ENKUR: variants seen among roughly 807,000 people sequenced by gnomAD.
ENKUR encodes enkurin.
ENKUR carries 19 observed loss-of-function variants against 27.6 expected under a neutral mutation model. That is an observed-to-expected ratio of 0.69 (90% CI 0.48 to 1.01). The LOEUF (loss-of-function observed/expected upper bound fraction) is 1.01, where lower values mean the gene tolerates loss of function less well. ENKUR is among the 50% of genes least tolerant of loss of function. The pLI is 0.00. For synonymous variants in ENKUR, 117 were observed against 96.9 expected (o/e 1.21, Z -1.22); for missense variants, 312 against 310.5 (o/e 1.00, Z -0.04).
chr10:25,052,332 C>T (rs927223800), intron 2 of ENKUR, among the ~76,000 whole-genome samples: 4 of 152,128 alleles, frequency 2.6e-5, no homozygotes, highest in Non-Finnish European at 4.4e-5. Flanking sequence ...TGGCCTTATT[C>T]GGGCCTTTCA....
chr10:25,029,740 C>A (rs925340134), intron 2 of ENKUR, among the ~76,000 whole-genome samples: 1 of 152,138 alleles, frequency 6.6e-6, no homozygotes, highest in African/African-American at 2.4e-5. Flanking sequence ...AACAAACAGT[C>A]TCCTTCAAAA....
chr10:24,986,712 G>A (rs975666796), intron 4 of ENKUR, among the ~76,000 whole-genome samples: 1 of 152,160 alleles, frequency 6.6e-6, no homozygotes, highest in African/African-American at 2.4e-5. Flanking sequence ...CTTCCAGTGT[G>A]TACAATAACG....
In ENKUR at chr10:24,984,851, A is replaced by C; in HGVS notation, c.649T>G (p.Phe217Val). 6.2e-7 allele frequency: 1 copy of C among 1,613,730 alleles called. No homozygotes were observed. Among genetic ancestry groups the C allele is most frequent in the Middle Eastern group, 1.7e-4 (1 of 6,060 alleles). ...ATCTTCTTTGGTATAGAATCTATAA[A>C]GACCGAGAGGGACTGGAATTCTTTA... ...VHKEFQSLSV[F>V]IDSIPKKIRK... Residue 217 changes from phenylalanine to valine, a missense_variant, in exon 5 of 6, where the codon TTT (phenylalanine) becomes GTT (valine). Physicochemically the swap from Phe to Val is conservative, Grantham distance 50. Coordinates refer to ENST00000331161, the MANE Select transcript of ENKUR (RefSeq NM_145010.4).
At chr10:25,060,357 A>G (rs1851313003) in intron 2 of ENKUR, among the ~76,000 whole-genome samples, 2 of 152,316 alleles carry the variant, frequency 1.3e-5, no homozygotes, top group Admixed American at 1.3e-4. Flanking sequence ...AAAGAATACC[A>G]TGACCAGAAA....
chr10:25,013,937 C>A (rs149797390), intron 1 of ENKUR, among the ~76,000 whole-genome samples: 2 of 147,950 alleles, frequency 1.4e-5, no homozygotes, highest in African/African-American at 5.0e-5. Flanking sequence ...AGTGAAACTC[C>A]GTCTTGAAAA....
intron 1 of ENKUR, among the ~76,000 whole-genome samples, chr10:25,001,382 C>A (rs2132699615): frequency 6.7e-6 from 1 of 150,288 alleles, no homozygotes; most frequent in South Asian, 2.1e-4. Flanking sequence ...CTTTTTTCTA[C>A]TTGGGGTTAA....
intron 2 of ENKUR, among the ~76,000 whole-genome samples, chr10:24,996,765 C>G (rs915992101): frequency 3.3e-5 from 5 of 152,148 alleles, no homozygotes; most frequent in Admixed American, 3.3e-4. Context: ...CCAATACTTA[C>G]AGTTAAAAGT....
intron 3 of ENKUR, 75 bp downstream of exon 3, chr10:24,995,571 C>T: frequency 7.8e-7 from 1 of 1,277,424 alleles, no homozygotes; most frequent in Non-Finnish European, 1.1e-6. Flanking sequence ...ATAATGATAA[C>T]ATAGATGATC....
At chr10:25,051,959 A>C (rs909188251) in intron 2 of ENKUR, among the ~76,000 whole-genome samples, 1 of 152,242 alleles carries the variant, frequency 6.6e-6, no homozygotes, top group African/African-American at 2.4e-5. Context: ...CTGCATCAGC[A>C]ACATATACAT....
chr10:25,045,487 G>T (rs1032546323), intron 2 of ENKUR, among the ~76,000 whole-genome samples: 2 of 152,172 alleles, frequency 1.3e-5, no homozygotes, highest in African/African-American at 4.8e-5. Flanking sequence ...AAATGAAACA[G>T]CTCCAAATAT....
At chr10:25,043,898 T>G (rs1395794614) in intron 2 of ENKUR, among the ~76,000 whole-genome samples, 2 of 152,058 alleles carry the variant, frequency 1.3e-5, no homozygotes, top group African/African-American at 2.4e-5. Flanking sequence ...ATATTCTTTT[T>G]TTTTTTTTTA....
chr10:25,048,937 T>C (rs1851152415), intron 2 of ENKUR, among the ~76,000 whole-genome samples: 1 of 151,858 alleles, frequency 6.6e-6, no homozygotes, highest in African/African-American at 2.4e-5. Flanking sequence ...GAAATGGACA[T>C]GGAAATCAGA....
chr10:25,053,717 G>T (rs1851214776), intron 2 of ENKUR, among the ~76,000 whole-genome samples: 1 of 152,116 alleles, frequency 6.6e-6, no homozygotes, highest in Non-Finnish European at 1.5e-5. Flanking sequence ...CACTCAGGTA[G>T]TTTGAAATAT....
chr10:25,054,530 CCTTT>C lies in ENKUR; in HGVS notation c.37+6578_37+6581del, dbSNP rs1161916077. On this transcript the variant is annotated intron_variant, in intron 2 of 5. Coordinates refer to the ENKUR transcript ENST00000615958. ...CTTTCTTTCCTTTCTTTCTTTCTTT[CCTTT>C]CTTTCTTTCTTTCCTTTCTTTCTTT... 2.3e-3 allele frequency among the ~76,000 whole-genome samples: 206 copies of C among 90,476 alleles called. 1 individual carries two copies. The highest frequency in any genetic ancestry group is 7.3e-3 in the African/African-American group (183 of 24,908). 59.4% of individuals were successfully genotyped at this position (90,476 alleles called of 152,430 possible).
intron 1 of ENKUR, among the ~76,000 whole-genome samples, chr10:25,013,250 TA>T (rs1250875396): frequency 1.3e-5 from 2 of 152,266 alleles, no homozygotes; most frequent in African/African-American, 4.8e-5. Flanking sequence ...CAGACTAATA[TA>T]CTATGTTCTA....
At chr10:25,060,169 T>C (rs779299023) in intron 2 of ENKUR, among the ~76,000 whole-genome samples, 3 of 152,150 alleles carry the variant, frequency 2.0e-5, no homozygotes, top group Non-Finnish European at 4.4e-5. Context: ...AATAGGATGC[T>C]GTGGAGTCTA....
At chr10:25,054,735 T>G (rs1851233758) in intron 2 of ENKUR, among the ~76,000 whole-genome samples, 1 of 150,436 alleles carries the variant, frequency 6.6e-6, no homozygotes, top group Admixed American at 6.7e-5. Flanking sequence ...CAGGCTGGAG[T>G]GCAGTGGTGC....
intron 2 of ENKUR, among the ~76,000 whole-genome samples, chr10:25,041,245 A>ATCATCCAATC (rs1851060896): frequency 6.6e-6 from 1 of 152,148 alleles, no homozygotes; most frequent in South Asian, 2.1e-4. Context: ...TTTGGATGAG[A>ATCATCCAATC]AACTGCAGTG....
chr10:24,986,826 T>C (rs568022751), intron 4 of ENKUR, among the ~76,000 whole-genome samples: 1 of 152,322 alleles, frequency 6.6e-6, no homozygotes, highest in East Asian at 1.9e-4. Context: ...TTTTCATTAT[T>C]TCATCTAAAA....
Sources: allele counts gnomAD v4.1 joint callset (sites outside exome capture counted in the v4.1 genomes callset), GRCh38; gene constraint gnomAD v4.1.1; transcripts MANE v1.5; gene names NCBI Gene and HGNC (gene_info 2026-07-23, HGNC 2026-07-21).